The following GTF2IRD1 variants were observed in gnomAD, a reference collection of about 807,000 sequenced individuals.
The protein encoded by GTF2IRD1 is GTF2I repeat domain containing 1.
In GTF2IRD1, 26 loss-of-function variants were observed where a neutral mutation model predicts 113.2. The observed-to-expected ratio is 0.23, with a 90% CI of 0.17 to 0.32. The LOEUF is 0.32. GTF2IRD1 is among the 10% of genes least tolerant of loss of function. GTF2IRD1 has a pLI of 1.00. For missense variants in GTF2IRD1, 864 were observed against 1,280.8 expected (o/e 0.67, Z 4.97); for synonymous variants, 484 against 529.1 (o/e 0.91, Z 1.17).
At chr7:74,455,444 C>T (rs1319801181) in intron 1 of GTF2IRD1, among the ~76,000 whole-genome samples, 1 of 152,198 alleles carries the variant, frequency 6.6e-6, no homozygotes, top group Admixed American at 6.5e-5. Flanking sequence ...TTGGCACTGG[C>T]CCGGGGCCTT....
chr7:74,536,170 A>G lies in GTF2IRD1; in HGVS notation c.1304A>G (p.Asn435Ser), dbSNP rs1798285016. The change falls in exon 11 of 27, where the codon AAC becomes AGC. Residue 435 changes from asparagine to serine, a missense_variant. Coordinates refer to ENST00000424337, the MANE Select transcript of GTF2IRD1 (RefSeq NM_005685.4). ...RMFDERIFTGNKFTKDTTKLE... is the reference protein window; with the variant it reads ...RMFDERIFTGSKFTKDTTKLE... ...ACCTCCCTGACTCTCCCCACAGGGA[A>G]CAAGTTTACCAAAGACACCACGAAG... 1.2e-6 allele frequency: 2 copies of G among 1,609,576 alleles called. No individual in the cohort carries two copies. The highest frequency in any genetic ancestry group is 1.7e-6 in the Non-Finnish European group (2 of 1,176,150).
At chr7:74,477,980 C>T (rs1794521499) in intron 1 of GTF2IRD1, among the ~76,000 whole-genome samples, 1 of 152,178 alleles carries the variant, frequency 6.6e-6, no homozygotes, top group African/African-American at 2.4e-5. Flanking sequence ...CAGGGGTTGG[C>T]ACCGCCCCAG....
intron 10 of GTF2IRD1, among the ~76,000 whole-genome samples, chr7:74,535,822 A>G (rs1303734746): frequency 1.3e-5 from 2 of 152,212 alleles, no homozygotes; most frequent in Admixed American, 1.3e-4. Flanking sequence ...CTTGTGATGC[A>G]GCCATGGGGA....
At chr7:74,517,001 T>TTTGTTGTTGTTGTTGTTG (rs374786237) in intron 4 of GTF2IRD1, among the ~76,000 whole-genome samples, 1 of 90,182 alleles carries the variant, frequency 1.1e-5, no homozygotes, top group Non-Finnish European at 2.2e-5. Context: ...CTCTCCTGTC[T>TTTGTTGTTGTTGTTGTTG]TTGTTGTTGT....
chr7:74,566,436 G>T (rs1398841053), intron 22 of GTF2IRD1, among the ~76,000 whole-genome samples: 1 of 152,134 alleles, frequency 6.6e-6, no homozygotes, highest in Non-Finnish European at 1.5e-5. Flanking sequence ...TCCGCCTCCC[G>T]AGTTCAAGCA....
intron 22 of GTF2IRD1, among the ~76,000 whole-genome samples, chr7:74,562,921 C>T (rs587669832): frequency 1.3e-5 from 2 of 152,256 alleles, no homozygotes; most frequent in Middle Eastern, 3.4e-3. Context: ...CAGAATGGAC[C>T]TTAGTCTGCA....
intron 1 of GTF2IRD1, among the ~76,000 whole-genome samples, chr7:74,484,712 G>C (rs1390677543): frequency 6.6e-6 from 1 of 152,072 alleles, no homozygotes; most frequent in Non-Finnish European, 1.5e-5. Flanking sequence ...ACCCGCCTCA[G>C]CCTCCCAAAT....
At position 74,555,570 on chromosome 7, in the gene GTF2IRD1, C is replaced by T. The variant is rs1175542687; in HGVS notation, c.2023+76C>T. 5.2e-6 allele frequency: 5 copies of T among 970,776 alleles called. No individual in the cohort carries two copies. In the Admixed American group the frequency reaches 9.4e-5, roughly 18 times the overall value. The allele number at this position is 970,776 out of a possible 1,614,324, so 60.1% of individuals were successfully genotyped here. On this transcript the variant is annotated intron_variant, in intron 19 of 26. Coordinates refer to ENST00000424337, the MANE Select transcript of GTF2IRD1 (RefSeq NM_005685.4). The surrounding 1 kb of genome is among the most constrained non-coding windows in gnomAD (Gnocchi z 5.3). Reference sequence around the variant, plus strand: ...CCTGGTTTGGGTTTGGAGGGCCAGGCTGGAAGTGGGGAGGAGCTGGCCCCC... The same window carrying T: ...CCTGGTTTGGGTTTGGAGGGCCAGGTTGGAAGTGGGGAGGAGCTGGCCCCC...
intron 1 of GTF2IRD1, among the ~76,000 whole-genome samples, chr7:74,505,627 C>T (rs924959112): frequency 3.9e-5 from 6 of 152,232 alleles, no homozygotes; most frequent in Non-Finnish European, 8.8e-5. Context: ...GTGCCTCCTG[C>T]TTTGCCCTGA....
chr7:74,484,231 T>G (rs1794894620), intron 1 of GTF2IRD1, among the ~76,000 whole-genome samples: 1 of 152,114 alleles, frequency 6.6e-6, no homozygotes, highest in Non-Finnish European at 1.5e-5. Context: ...AGCCATGGAG[T>G]CAAGGATTTG....
At chr7:74,566,168 A>C (rs2130831802) in intron 22 of GTF2IRD1, among the ~76,000 whole-genome samples, 1 of 152,320 alleles carries the variant, frequency 6.6e-6, no homozygotes, top group African/African-American at 2.4e-5. Flanking sequence ...TATTAATTTT[A>C]CATCTCACTG....
At chr7:74,460,908 G>C (rs1461584597) in intron 1 of GTF2IRD1, among the ~76,000 whole-genome samples, 1 of 152,120 alleles carries the variant, frequency 6.6e-6, no homozygotes, top group Non-Finnish European at 1.5e-5. Flanking sequence ...GGGAATTCCT[G>C]CACCTTTGCC....
At chr7:74,482,480 A>G (rs1426424261) in intron 1 of GTF2IRD1, among the ~76,000 whole-genome samples, 4 of 152,018 alleles carry the variant, frequency 2.6e-5, no homozygotes, top group Non-Finnish European at 5.9e-5. Flanking sequence ...CTCCTGCCTC[A>G]GCCTCCCAAA....
intron 1 of GTF2IRD1, among the ~76,000 whole-genome samples, chr7:74,478,814 T>C (rs149372191): frequency 9.2e-4 from 140 of 151,862 alleles, no homozygotes; most frequent in Admixed American, 2.2e-3. Flanking sequence ...AGCGTGATCA[T>C]GGCTCACTGC....
chr7:74,517,001 TTTGTTGTTG>T lies in GTF2IRD1; in HGVS notation c.422-1108_422-1100del, dbSNP rs374786237. On this transcript the variant is annotated intron_variant, in intron 4 of 26. Coordinates refer to ENST00000424337, the MANE Select transcript of GTF2IRD1 (RefSeq NM_005685.4). The stretch of plus-strand genomic sequence containing the variant: ...CTGTCTCTTTCTCCTCTCTCCTGTC[TTTGTTGTTG>T]TTGTTGTTGTTGTTGTTGTTGTTGT... Among the ~76,000 whole-genome samples the T allele has an allele frequency of 4.9e-3, 443 of 90,234 alleles. 13 individuals are homozygous for T. The East Asian group carries it at 0.16, about 33-fold the overall frequency. 59.2% of individuals were successfully genotyped at this position (90,234 alleles called of 152,430 possible). A position where few individuals can be genotyped will look rare whatever the true frequency, so the allele number is the denominator to read the frequency against.
intron 25 of GTF2IRD1, among the ~76,000 whole-genome samples, chr7:74,598,681 G>A (rs1802566154): frequency 6.6e-6 from 1 of 152,016 alleles, no homozygotes; most frequent in Admixed American, 6.6e-5. Flanking sequence ...GGAGGATTTG[G>A]GACAGATGCC....
chr7:74,481,247 T>A (rs1201506341), intron 1 of GTF2IRD1, among the ~76,000 whole-genome samples: 1 of 152,248 alleles, frequency 6.6e-6, no homozygotes, highest in Non-Finnish European at 1.5e-5. Context: ...CTTGAACTCC[T>A]GGGCTCAAGC....
intron 6 of GTF2IRD1, 87 bp from the exon 7 acceptor site, chr7:74,521,121 C>T: frequency 1.3e-6 from 1 of 745,838 alleles, no homozygotes; most frequent in Non-Finnish European, 2.4e-6. Flanking sequence ...GCTGTTACCC[C>T]AGAGCCAGGG....
chr7:74,511,147 G>A (rs1796609001), intron 2 of GTF2IRD1, among the ~76,000 whole-genome samples: 1 of 152,130 alleles, frequency 6.6e-6, no homozygotes, highest in South Asian at 2.1e-4. Context: ...TCCTAGCAGT[G>A]CGAACAAGAC....
Sources: allele counts gnomAD v4.1 joint callset (sites outside exome capture counted in the v4.1 genomes callset), GRCh38; gene constraint gnomAD v4.1.1; non-coding constraint Gnocchi (gnomAD v3.1); transcripts MANE v1.5; gene names NCBI Gene and HGNC (gene_info 2026-07-23, HGNC 2026-07-21).